The following KIF6 variants were observed in gnomAD, a reference collection of about 807,000 sequenced individuals.
KIF6 encodes kinesin family member 6.
A neutral mutation model predicts 112.7 loss-of-function variants in KIF6; 106 were observed. That is an observed-to-expected ratio of 0.94 (90% CI 0.80 to 1.11). KIF6 has a LOEUF of 1.11. Ranked by LOEUF, KIF6 falls within the 50% of genes least tolerant of loss-of-function variation. KIF6 has a pLI of 0.00. For synonymous variants in KIF6, 339 were observed against 339.9 expected (o/e 1.00, Z 0.03); for missense variants, 929 against 964.0 (o/e 0.96, Z 0.48).
chr6:39,686,937 G>A (rs1327088902), intron 3 of KIF6, among the ~76,000 whole-genome samples: 1 of 152,068 alleles, frequency 6.6e-6, no homozygotes, highest in East Asian at 1.9e-4. Context: ...TAAAGAACAG[G>A]GCTGGTTTTT....
intron 16 of KIF6, among the ~76,000 whole-genome samples, chr6:39,366,683 G>A (rs1187066263): frequency 6.6e-6 from 1 of 152,198 alleles, no homozygotes; most frequent in Non-Finnish European, 1.5e-5. Context: ...GGCCTGAGGT[G>A]TGAGCCTGCT....
chr6:39,719,529 C>T (rs993980583), intron 2 of KIF6, among the ~76,000 whole-genome samples: 5 of 152,018 alleles, frequency 3.3e-5, no homozygotes, highest in African/African-American at 4.8e-5. Flanking sequence ...AGATCAAAGA[C>T]GGATTTAATT....
chr6:39,551,896 C>G (rs1437086517), intron 10 of KIF6, among the ~76,000 whole-genome samples: 5 of 152,144 alleles, frequency 3.3e-5, no homozygotes, highest in African/African-American at 4.8e-5. Context: ...TCAGATAATG[C>G]AAGGAACGAA....
chr6:39,545,775 G>A (rs1779040250), intron 10 of KIF6, 87 bp from the exon 11 acceptor site: 1 of 793,636 alleles, frequency 1.3e-6, no homozygotes, highest in Non-Finnish European at 2.2e-6. Flanking sequence ...AACATTTGAA[G>A]TACAGAATAT....
chr6:39,582,877 C>G (rs1338830495), intron 9 of KIF6, among the ~76,000 whole-genome samples: 1 of 152,114 alleles, frequency 6.6e-6, no homozygotes, highest in Admixed American at 6.5e-5. Flanking sequence ...CAGACAAGCT[C>G]TATACATAAA....
At chr6:39,454,232 T>C (rs1001725695) in intron 13 of KIF6, among the ~76,000 whole-genome samples, 3 of 151,770 alleles carry the variant, frequency 2.0e-5, no homozygotes, top group East Asian at 1.9e-4. Context: ...AAAGAGGAAA[T>C]ATTAATCAGA....
intron 3 of KIF6, among the ~76,000 whole-genome samples, chr6:39,678,608 G>A (rs1195505420): frequency 6.6e-6 from 1 of 152,192 alleles, no homozygotes; most frequent in Non-Finnish European, 1.5e-5. Context: ...AACTTCATGG[G>A]TGTAGCCCAA....
intron 3 of KIF6, among the ~76,000 whole-genome samples, chr6:39,681,103 CATAAAATAAA>C (rs756508260): frequency 7.2e-5 from 11 of 151,984 alleles, no homozygotes; most frequent in African/African-American, 1.7e-4. Flanking sequence ...CAAATAAATA[CATAAAATAAA>C]ATAAAATAAA....
At chr6:39,519,466 G>T (rs551174686) in intron 13 of KIF6, among the ~76,000 whole-genome samples, 2 of 152,272 alleles carry the variant, frequency 1.3e-5, no homozygotes, top group Admixed American at 1.3e-4. Flanking sequence ...ATGCTGCATG[G>T]CAGGTTTTCC....
At chr6:39,443,663 C>T (rs1581869345) in intron 13 of KIF6, among the ~76,000 whole-genome samples, 1 of 152,086 alleles carries the variant, frequency 6.6e-6, no homozygotes, top group South Asian at 2.1e-4. Context: ...AGACTGTTCT[C>T]GAACTCCTGG....
chr6:39,531,488 A>C (rs1181481630), intron 13 of KIF6, among the ~76,000 whole-genome samples: 1 of 152,210 alleles, frequency 6.6e-6, no homozygotes, highest in Non-Finnish European at 1.5e-5. Flanking sequence ...CCATTTCTGC[A>C]TGGGTACAAT....
chr6:39,464,113 A>G (rs1344937397), intron 13 of KIF6, among the ~76,000 whole-genome samples: 2 of 152,162 alleles, frequency 1.3e-5, no homozygotes, highest in Admixed American at 6.5e-5. Context: ...CAAAAGCAGC[A>G]GGAGAAGAGC....
chr6:39,561,095 C>T (rs951406731), intron 10 of KIF6, among the ~76,000 whole-genome samples: 2 of 152,182 alleles, frequency 1.3e-5, no homozygotes, highest in East Asian at 1.9e-4. Context: ...CAGCATCAAA[C>T]CAGAAAGCAT....
intron 13 of KIF6, among the ~76,000 whole-genome samples, chr6:39,454,025 TAGAA>T (rs1772872462): frequency 1.3e-5 from 2 of 152,006 alleles, no homozygotes; most frequent in Admixed American, 6.6e-5. Context: ...AGAAAAGAAA[TAGAA>T]AGAAGTGTTA....
chr6:39,663,494 G>A (rs1277820818), intron 3 of KIF6, among the ~76,000 whole-genome samples: 1 of 152,094 alleles, frequency 6.6e-6, no homozygotes, highest in African/African-American at 2.4e-5. Flanking sequence ...GCAGAAGCAT[G>A]GCCAGTTGCA....
chr6:39,585,091 G>T (rs1781549986), intron 8 of KIF6, 107 bp from the exon 9 acceptor site: 1 of 692,494 alleles, frequency 1.4e-6, no homozygotes, highest in South Asian at 1.8e-5. Flanking sequence ...CCTAAAAAGT[G>T]ATGTGTATAA....
chr6:39,337,587 C>T (rs1194239205), intron 22 of KIF6, among the ~76,000 whole-genome samples: 4 of 151,648 alleles, frequency 2.6e-5, no homozygotes, highest in African/African-American at 9.7e-5. Flanking sequence ...GCTGGGATTA[C>T]AGGTGTGAGC....
chr6:39,673,248 C>T (rs1008453671), intron 3 of KIF6, among the ~76,000 whole-genome samples: 2 of 152,224 alleles, frequency 1.3e-5, no homozygotes, highest in African/African-American at 2.4e-5. Context: ...CTGGGAAAGA[C>T]AAGACCTGGG....
chr6:39,525,175 C>T (rs192675557), intron 13 of KIF6, among the ~76,000 whole-genome samples: 48 of 152,120 alleles, frequency 3.2e-4, no homozygotes, highest in African/African-American at 9.2e-4. Context: ...AAAGGTCTCA[C>T]GTTGTCACCC....
Sources: allele counts gnomAD v4.1 joint callset (sites outside exome capture counted in the v4.1 genomes callset), GRCh38; gene constraint gnomAD v4.1.1; transcripts MANE v1.5; gene names NCBI Gene and HGNC (gene_info 2026-07-23, HGNC 2026-07-21).